The following AGTPBP1 variants were observed in gnomAD, a reference collection of about 807,000 sequenced individuals.
AGTPBP1 encodes the protein ATP/GTP binding carboxypeptidase 1, also known as cytosolic carboxypeptidase 1.
In AGTPBP1, 70 loss-of-function variants were observed where a neutral mutation model predicts 143.9. The ratio of observed to expected loss-of-function variants is 0.49; its 90% confidence interval spans 0.40 to 0.59. The LOEUF (loss-of-function observed/expected upper bound fraction) is 0.59, where lower values mean the gene tolerates loss of function less well. AGTPBP1 is among the 20% of genes least tolerant of loss of function. AGTPBP1 has a pLI of 0.00. For synonymous variants in AGTPBP1, 463 were observed against 500.2 expected (o/e 0.93, Z 0.99); for missense variants, 1,229 against 1,464.5 (o/e 0.84, Z 2.62).
chr9:85,797,031 C>T, the AGTPBP1 span, among the ~76,000 whole-genome samples: 15 of 152,204 alleles, frequency 9.9e-5, no homozygotes, highest in East Asian at 7.7e-4. Flanking sequence ...GTGATCTGCC[C>T]GCCTCGGCCT....
the AGTPBP1 span, chr9:85,756,259 T>C: frequency 6.3e-7 from 1 of 1,576,922 alleles, no homozygotes; most frequent in Non-Finnish European, 8.6e-7. Flanking sequence ...AGGTATTCTG[T>C]TTAATACACT....
chr9:85,759,067 C>G, the AGTPBP1 span, among the ~76,000 whole-genome samples: 800 of 152,258 alleles, frequency 5.3e-3, 4 homozygotes, highest in Non-Finnish European at 7.7e-3. Context: ...ACAAGAAGAG[C>G]TAACTATCCT....
intron 17 of AGTPBP1, among the ~76,000 whole-genome samples, chr9:85,606,217 T>C (rs997067300): frequency 6.6e-6 from 1 of 151,804 alleles, no homozygotes; most frequent in Non-Finnish European, 1.5e-5. Context: ...AAAATAATCA[T>C]AATAATCTCA....
chr9:85,668,187 T>C (rs945319726), intron 8 of AGTPBP1, among the ~76,000 whole-genome samples: 2 of 152,158 alleles, frequency 1.3e-5, no homozygotes, highest in African/African-American at 2.4e-5. Context: ...CATTATATTA[T>C]CCTCTCTACA....
intron 23 of AGTPBP1, among the ~76,000 whole-genome samples, chr9:85,579,607 A>AGG (rs772460932): frequency 7.1e-6 from 1 of 141,592 alleles, no homozygotes; most frequent in African/African-American, 2.6e-5. Flanking sequence ...GTGTGGGGCG[A>AGG]GGGGGGGGGT....
chr9:85,553,515 ACGGG>A (rs1826155497), intron 25 of AGTPBP1, among the ~76,000 whole-genome samples: 1 of 152,176 alleles, frequency 6.6e-6, no homozygotes, highest in South Asian at 2.1e-4. Context: ...GGTGTAGGAA[ACGGG>A]CTTCTAACTT....
intron 2 of AGTPBP1, among the ~76,000 whole-genome samples, chr9:85,702,971 T>C (rs1037985973): frequency 1.3e-5 from 2 of 152,198 alleles, no homozygotes; most frequent in Non-Finnish European, 2.9e-5. Context: ...TGTCAAACTG[T>C]TGCAAAACAA....
rs1041558999 is a variant in AGTPBP1 at position 85,572,072 on chromosome 9, G to A, written c.3503+3243C>T. 2.3e-5 allele frequency among the ~76,000 whole-genome samples: 3 copies of A among 132,830 alleles called. No individual in the cohort carries two copies. The Admixed American group carries it at 2.6e-4, about 11-fold the overall frequency. The allele number at this position is 132,830 out of a possible 152,430, so 87.1% of individuals were successfully genotyped here. ...GGCACAGTTTCATTCTGTCACCCAG[G>A]ATGGAGTGTAGTGGCAGGATCTCAA... On this transcript the variant is annotated intron_variant, in intron 25 of 25. Coordinates refer to ENST00000357081, the MANE Select transcript of AGTPBP1 (RefSeq NM_001330701.2).
chr9:85,789,638 AT>A, the AGTPBP1 span, among the ~76,000 whole-genome samples: 2 of 151,944 alleles, frequency 1.3e-5, no homozygotes, highest in African/African-American at 4.8e-5. Context: ...TTGTTAATGT[AT>A]TTTTTTGTTG....
intron 1 of AGTPBP1, among the ~76,000 whole-genome samples, chr9:85,737,798 G>C (rs1212091298): frequency 6.6e-6 from 1 of 152,142 alleles, no homozygotes; most frequent in Non-Finnish European, 1.5e-5. Flanking sequence ...GCCACTTACT[G>C]AGTTTTAATA....
chr9:85,793,555 C>T, the AGTPBP1 span: 6 of 142,382 alleles, frequency 4.2e-5, no homozygotes, highest in Non-Finnish European at 7.7e-5. Context: ...AAGAGAAGGT[C>T]AAGACTTTAA....
At chr9:85,787,196 T>C in the AGTPBP1 span, among the ~76,000 whole-genome samples, 1 of 152,202 alleles carries the variant, frequency 6.6e-6, no homozygotes, top group South Asian at 2.1e-4. Flanking sequence ...TATAATGCTA[T>C]CTTTTTTGTT....
chr9:85,581,463 A>G (rs539066837), intron 23 of AGTPBP1, among the ~76,000 whole-genome samples: 1 of 152,248 alleles, frequency 6.6e-6, no homozygotes, highest in Non-Finnish European at 1.5e-5. Flanking sequence ...GCGCAATACT[A>G]AAAGCTATAA....
intron 2 of AGTPBP1, among the ~76,000 whole-genome samples, chr9:85,702,092 C>T (rs1364130661): frequency 4.9e-4 from 75 of 152,210 alleles, no homozygotes; most frequent in Admixed American, 4.8e-3. Context: ...GTATATCCTA[C>T]TCTGCTCAGT....
At chr9:85,626,936 C>A (rs1424731038) in intron 14 of AGTPBP1, among the ~76,000 whole-genome samples, 1 of 152,136 alleles carries the variant, frequency 6.6e-6, no homozygotes, top group African/African-American at 2.4e-5. Context: ...TGAACATAAC[C>A]AGGCAGATTT....
At chr9:85,732,635 A>C (rs1838966329) in intron 1 of AGTPBP1, among the ~76,000 whole-genome samples, 1 of 152,240 alleles carries the variant, frequency 6.6e-6, no homozygotes, top group Non-Finnish European at 1.5e-5. Flanking sequence ...TTTAGGAAGT[A>C]ATTACTTTAA....
chr9:85,679,979 T>C (rs541566996), intron 4 of AGTPBP1, among the ~76,000 whole-genome samples: 1 of 152,330 alleles, frequency 6.6e-6, no homozygotes, highest in Admixed American at 6.5e-5. Context: ...GGGTGTGGAA[T>C]GCAGGAAGTC....
At chr9:85,598,381 C>A (rs1298169900) in intron 17 of AGTPBP1, among the ~76,000 whole-genome samples, 3 of 152,172 alleles carry the variant, frequency 2.0e-5, no homozygotes, top group African/African-American at 7.2e-5. Flanking sequence ...GTTCTTGTAT[C>A]TCACATCTCC....
intron 23 of AGTPBP1, 53 bp from the exon 24 acceptor site, chr9:85,579,149 A>T (rs1828080993): frequency 6.6e-7 from 1 of 1,513,224 alleles, no homozygotes; most frequent in Admixed American, 2.5e-5. Flanking sequence ...TTAATTTTAA[A>T]TGTTTTTAAT....
Sources: gnomAD v4.1 joint callset for allele counts (sites outside exome capture counted in the v4.1 genomes callset) on GRCh38, gnomAD v4.1.1 for gene constraint, MANE v1.5 for transcripts, NCBI Gene and HGNC (gene_info 2026-07-23, HGNC 2026-07-21) for gene names.